The following DNAH1 variants were observed in gnomAD, a reference collection of about 807,000 sequenced individuals.
DNAH1 encodes axonemal beta dynein heavy chain 1.
In DNAH1, 327 loss-of-function variants were observed where a neutral mutation model predicts 484.3. That is an observed-to-expected ratio of 0.68 (90% CI 0.62 to 0.74). The LOEUF is 0.74. Ranked by LOEUF, DNAH1 falls within the 30% of genes least tolerant of loss-of-function variation. DNAH1 has a pLI of 0.00. For missense variants in DNAH1, 5,052 were observed against 5,546.8 expected, an observed-to-expected ratio of 0.91 and a Z score of 2.83; for synonymous variants, 2,192 against 2,191.9, an observed-to-expected ratio of 1.00 and a Z score of 0.00.
rs1578147653 is a variant in DNAH1 at position 52,364,967 on chromosome 3, G to A, written c.5466G>A (p.Leu1822=). Residue 1822 remains leucine, a synonymous_variant, in exon 34 of 78, where the codon CTG becomes CTA. Transcript: ENST00000420323. The surrounding 1 kb of genome is among the most constrained non-coding windows in gnomAD (Gnocchi z 4.2). ...AGGAGGACACGGACTACGGCATCCT[G>A]GATGAGGCCATCCGCGAGGCCTGCA... is the stretch of plus-strand genomic sequence containing the variant. ...IKEEDTDYGI[L]DEAIREACRN... 4 of 1,613,886 alleles carry A rather than the reference G, an allele frequency of 2.5e-6. No individual in the cohort carries two copies. The South Asian group carries it at 3.3e-5, about 13-fold the overall frequency.
rs1702546762 is a variant in DNAH1, at chr3:52,354,943, C to T, written c.3581C>T (p.Ser1194Leu). 6.2e-7 allele frequency: 1 copy of T among 1,614,056 alleles called. No individual in the cohort carries two copies. The highest frequency in any genetic ancestry group is 8.5e-7 in the Non-Finnish European group (1 of 1,179,908). The change falls in exon 21 of 78, where the codon TCA becomes TTA. Residue 1194 changes from serine to leucine, a missense_variant. By Grantham distance (145) the Ser-to-Leu change is moderately radical (BLOSUM62 -2). Transcript: ENST00000420323. Reference protein sequence around the residue: ...TYILKSPDEASQLLDDHIVMT... With the variant: ...TYILKSPDEALQLLDDHIVMT... The stretch of plus-strand genomic sequence containing the variant: ...ATCCTGAAGAGCCCGGACGAGGCCT[C>T]ACAGCTGCTGGACGACCACATCGTC...
At chr3:52,357,839 G>A in intron 23 of DNAH1, 59 bp from the exon 24 acceptor site, 1 of 1,586,666 alleles carries the variant, frequency 6.3e-7, no homozygotes, top group South Asian at 1.1e-5. Context: ...GCAGGACTGG[G>A]GCAGCTGGGG....
At chr3:52,342,269 G>A (rs542542878) in intron 8 of DNAH1, among the ~76,000 whole-genome samples, 4 of 152,378 alleles carry the variant, frequency 2.6e-5, no homozygotes, top group South Asian at 4.1e-4. Context: ...GCAGAGACGC[G>A]GCCACAGGCC....
rs572554929 is a variant in DNAH1 at position 52,361,555 on chromosome 3, C to T, written c.4875-106C>T. The stretch of plus-strand genomic sequence containing the variant: ...TGAAGACTGAGCTGATGGAGATTGC[C>T]CCTGAGGGCTTCCTCCCAAGTGGAG... On this transcript the variant is annotated intron_variant, in intron 29 of 77. Transcript: ENST00000420323. The surrounding 1 kb of genome is among the most constrained non-coding windows in gnomAD (Gnocchi z 5.6). The T allele has an allele frequency of 7.5e-7, 1 of 1,334,692 alleles. No individual in the cohort carries two copies. Among genetic ancestry groups the T allele is most frequent in the African/African-American group, 1.4e-5 (1 of 69,026 alleles). The allele number at this position is 1,334,692 out of a possible 1,614,324, so 82.7% of individuals were successfully genotyped here.
intron 22 of DNAH1, 105 bp from the exon 23 acceptor site, chr3:52,357,509 G>T (rs566583489): frequency 2.1e-6 from 3 of 1,407,540 alleles, no homozygotes; most frequent in Middle Eastern, 1.8e-4. Flanking sequence ...TCTTTCCCAG[G>T]CCCCGCTGAG....
intron 52 of DNAH1, 84 bp downstream of exon 52, chr3:52,384,115 G>A: frequency 7.4e-7 from 1 of 1,358,186 alleles, no homozygotes; most frequent in Non-Finnish European, 9.8e-7. Flanking sequence ...GTCTGGGTGA[G>A]ATTCCCAGGC....
At position 52,344,542 on chromosome 3, in the gene DNAH1, C is replaced by A; in HGVS notation, c.1339C>A (p.Arg447Ser). Reference protein sequence around the residue: ...LAREVSLDYERSMNKINFDHV... With the variant: ...LAREVSLDYESSMNKINFDHV... The stretch of plus-strand genomic sequence containing the variant: ...CAGAGAAGTGAGCCTGGACTATGAG[C>A]GCAGCATGAACAAGATCAACTTTGA... Residue 447 changes from arginine to serine, a missense_variant, in exon 9 of 78, where the codon CGC becomes AGC. This residue lies in a region of DNAH1 where 1,263 missense variants were observed against 1,218.8 expected (regional missense o/e 1.04). Transcript: ENST00000420323. The A allele has an allele frequency of 6.2e-7, 1 of 1,614,002 alleles. No homozygotes were observed.
chr3:52,386,791 C>T lies in DNAH1; in HGVS notation c.8941C>T (p.Pro2981Ser). The change falls in exon 56 of 78, where the codon CCT becomes TCT. Residue 2981 changes from proline (P) to serine (S), a missense_variant. By Grantham distance (74) the Pro-to-Ser change is moderately conservative. Transcript: ENST00000420323. ...CACCAAGGTGGATGACTACTGGGAG[C>T]CTGGCAAGGGGCTGCTGCAGGACCC... ...PGTKVDDYWE[P>S]GKGLLQDPGH... 1 of 1,592,282 alleles carries T rather than the reference C, an allele frequency of 6.3e-7. No homozygotes were observed. The highest frequency in any genetic ancestry group is 8.5e-7 in the Non-Finnish European group (1 of 1,169,726).
At chr3:52,317,546 T>C (rs1473043466) in intron 1 of DNAH1, among the ~76,000 whole-genome samples, 2 of 152,254 alleles carry the variant, frequency 1.3e-5, no homozygotes, top group Non-Finnish European at 2.9e-5. Context: ...TTTACATATG[T>C]ATATGTATTT....
In DNAH1 at chr3:52,368,928, C is replaced by T. The variant is rs765825721; in HGVS notation, c.5943+10C>T. ...CATCAAGCTCACAGAGGTGCACCTA[C>T]CTGTCCACCTGCCCACTCTCCTCCA... On this transcript the variant is annotated intron_variant, in intron 37 of 77. Transcript: ENST00000420323. The surrounding 1 kb of genome is among the most constrained non-coding windows in gnomAD (Gnocchi z 4.4). 29 of 1,608,460 alleles carry T rather than the reference C, an allele frequency of 1.8e-5. No homozygotes were observed. Among genetic ancestry groups the T allele is most frequent in the Non-Finnish European group, 2.4e-5 (28 of 1,175,296 alleles).
chr3:52,385,864 T>A lies in DNAH1; in HGVS notation c.8626-296T>A, dbSNP rs1473805393. Among the ~76,000 whole-genome samples, 3 of 152,200 alleles carry A rather than the reference T, an allele frequency of 2.0e-5. No homozygotes were observed. The East Asian group carries it at 5.8e-4, about 29-fold the overall frequency. Reference sequence around the variant, plus strand: ...AACTTCCCAGTAGATAGAAAGAAGCTAGAAGAAAGGCAGGAGGAGGGTCTT... The same window carrying A: ...AACTTCCCAGTAGATAGAAAGAAGCAAGAAGAAAGGCAGGAGGAGGGTCTT... On this transcript the variant is annotated intron_variant, in intron 54 of 77. Coordinates refer to ENST00000420323, the MANE Select transcript of DNAH1 (RefSeq NM_015512.5).
chr3:52,393,476 A>C lies in DNAH1; in HGVS notation c.10617A>C (p.Lys3539Asn). Residue 3539 changes from lysine to asparagine, a missense_variant, in exon 66 of 78, where the codon AAA (lysine) becomes AAC (asparagine). Around this residue, in one of 4 missense-constraint regions of DNAH1, gnomAD observed 2,929 missense variants for 3,409.4 expected, o/e 0.86. Transcript: ENST00000420323. Reference sequence around the variant, plus strand: ...TTCGCATCATGATGAACGAGGGCAAAATCAACCAGGTGCTGGCAGAGACAC... The same window carrying C: ...TTCGCATCATGATGAACGAGGGCAACATCAACCAGGTGCTGGCAGAGACAC... ...LCVRIMMNEGKINQSEWRYLL... is the reference protein window; with the variant it reads ...LCVRIMMNEGNINQSEWRYLL... The C allele has an allele frequency of 6.2e-7, 1 of 1,613,956 alleles. No individual in the cohort carries two copies. Among genetic ancestry groups the C allele is most frequent in the Non-Finnish European group, 8.5e-7 (1 of 1,179,868 alleles).
intron 6 of DNAH1, among the ~76,000 whole-genome samples, chr3:52,330,254 G>A (rs1701494387): frequency 6.6e-6 from 1 of 152,180 alleles, no homozygotes; most frequent in Non-Finnish European, 1.5e-5. Context: ...ACTGAGATGG[G>A]ACAAAGTCGC....
In DNAH1 at chr3:52,375,042, TA is replaced by T. The variant is rs36095568; in HGVS notation, c.6986-185del. On this transcript the variant is annotated intron_variant, in intron 44 of 77. Transcript: ENST00000420323. ...CAATAAAAAGTACTTTTGAACTTTG[TA>T]AAAAAAAAAAAAGTTAAAGGAGAGG... 0.41 allele frequency among the ~76,000 whole-genome samples: 58,949 copies of T among 144,952 alleles called. 12,244 individuals carry two copies. The highest frequency in any genetic ancestry group is 0.49 in the Middle Eastern group (137 of 280).
intron 44 of DNAH1, chr3:52,373,775 T>C: frequency 3.5e-6 from 5 of 1,421,738 alleles, no homozygotes; most frequent in East Asian, 2.3e-5. Flanking sequence ...AACGAGCTGC[T>C]TTAAGTGAAA....
rs373044616 is a variant in DNAH1, at chr3:52,381,825, C to T, written c.7794C>T (p.Leu2598=). 478 of 1,595,488 alleles carry T rather than the reference C, an allele frequency of 3.0e-4. 1 individual carries two copies. The highest frequency in any genetic ancestry group is 1.6e-3 in the South Asian group (137 of 88,002). Residue 2598 remains leucine, a synonymous_variant, in exon 49 of 78, where the codon CTC becomes CTT. Transcript: ENST00000420323. The surrounding 1 kb of genome is among the most constrained non-coding windows in gnomAD (Gnocchi z 4.1). ...GCGGCCGCAGCTCCCTCACAAGGCT[C>T]GCCTCGCACATGTGAGCGCCTCCAG... ...GGSGRSSLTR[L]ASHMAEYECF...
intron 73 of DNAH1, 108 bp from the exon 74 acceptor site, chr3:52,397,599 G>A: frequency 9.5e-7 from 1 of 1,049,078 alleles, no homozygotes; most frequent in Admixed American, 2.8e-5. Context: ...ATGAGCAGGA[G>A]TGACAAGTGG....
Position 52,336,762 on chromosome 3 carries a change from T to C in DNAH1, c.1286+4368T>C, listed in dbSNP as rs541091307. On this transcript the variant is annotated intron_variant, in intron 8 of 77. Transcript: ENST00000420323. Reference sequence around the variant, plus strand: ...GGCTGTAGGTGTGTGGCTTTATTTCTGGGCTCTCTATTTTGTTACATTGGA... The same window carrying C: ...GGCTGTAGGTGTGTGGCTTTATTTCCGGGCTCTCTATTTTGTTACATTGGA... Among the ~76,000 whole-genome samples the C allele has an allele frequency of 1.2e-3, 186 of 152,340 alleles. 1 individual carries two copies. The highest frequency in any genetic ancestry group is 4.4e-3 in the African/African-American group (184 of 41,586).
At chr3:52,351,819 G>A in intron 16 of DNAH1, 143 bp from the exon 17 acceptor site, 1 of 1,004,346 alleles carries the variant, frequency 1.0e-6, no homozygotes, top group Non-Finnish European at 1.5e-6. Flanking sequence ...CTGGCCCCAG[G>A]TAGCCTCCAC....
Sources: allele counts gnomAD v4.1 joint callset (sites outside exome capture counted in the v4.1 genomes callset), GRCh38; gene constraint gnomAD v4.1.1; regional missense constraint gnomAD v4.1.1; non-coding constraint Gnocchi (gnomAD v3.1); transcripts MANE v1.5; gene names NCBI Gene and HGNC (gene_info 2026-07-23, HGNC 2026-07-21).